The following PTMA variants were observed in gnomAD, a reference collection of about 807,000 sequenced individuals.
PTMA encodes prothymosin alpha.
PTMA carries 4 observed loss-of-function variants against 16.9 expected under a neutral mutation model. The ratio of observed to expected loss-of-function variants is 0.24; its 90% confidence interval spans 0.12 to 0.54. The LOEUF is 0.54. PTMA is among the 20% of genes least tolerant of loss of function. The probability of loss-of-function intolerance (pLI) is 0.95; values close to 1 mark genes in which losing one functional copy is unlikely to be tolerated. For missense variants in PTMA, 120 were observed against 137.7 expected (o/e 0.87, Z 0.64); for synonymous variants, 58 against 47.9 (o/e 1.21, Z -0.87).
chr2:231,710,616 A>T (rs1249794190), intron 1 of PTMA: 4 of 476,440 alleles, frequency 8.4e-6, no homozygotes, highest in Non-Finnish European at 1.7e-5. Flanking sequence ...GTGTGGAAAA[A>T]GTTACCGGGC....
rs1411462844 is a variant in PTMA, at chr2:231,708,832, C to G, written c.45+81C>G. 4.0e-6 allele frequency: 6 copies of G among 1,488,560 alleles called. No homozygotes were observed. In the Admixed American group the frequency reaches 7.8e-5, roughly 19 times the overall value. 92.2% of individuals were successfully genotyped at this position (1,488,560 alleles called of 1,614,324 possible). On this transcript the variant is annotated intron_variant, in intron 1 of 4. Transcript: ENST00000409115. ...GTTTGGCGCGCAGCAGCTGGACTGT[C>G]TCAAGCCCGCTGTTGCTCCCTCTCG... is the stretch of plus-strand genomic sequence containing the variant.
At position 231,712,671 on chromosome 2, in the gene PTMA, G is replaced by A. The variant is rs1348397084; in HGVS notation, c.286-133G>A. On this transcript the variant is annotated intron_variant, in intron 4 of 4. Transcript: ENST00000409115. ...AAGAACAGGAAGGAAACAGGGCTGG[G>A]CTCAACTTCCCAGAGGCCTTGGGCT... 3.0e-6 allele frequency: 4 copies of A among 1,335,458 alleles called. No individual in the cohort carries two copies. In the Admixed American group the frequency reaches 6.4e-5, roughly 21 times the overall value. The allele number at this position is 1,335,458 out of a possible 1,614,324, so 82.7% of individuals were successfully genotyped here. A position where few individuals can be genotyped will look rare whatever the true frequency, so the allele number is the denominator to read the frequency against.
chr2:231,709,437 T>G (rs1345554766), intron 1 of PTMA, among the ~76,000 whole-genome samples: 1 of 152,132 alleles, frequency 6.6e-6, no homozygotes, highest in African/African-American at 2.4e-5. Context: ...GCTTCAGTCA[T>G]GCACCCGCGG....
At chr2:231,712,020 T>G in intron 3 of PTMA, 37 bp downstream of exon 3, 1 of 1,550,846 alleles carries the variant, frequency 6.4e-7, no homozygotes, top group Non-Finnish European at 8.7e-7. Flanking sequence ...TTTCAGGTAC[T>G]TTTTCCTGGC....
chr2:231,709,110 C>G (rs967766513), intron 1 of PTMA, among the ~76,000 whole-genome samples: 2 of 152,236 alleles, frequency 1.3e-5, no homozygotes, highest in African/African-American at 4.8e-5. Context: ...ACGGAAATAA[C>G]TTTGAAACTC....
chr2:231,710,856 C>CGCGGGCCTTCCAGGCTG (rs1559286760), intron 1 of PTMA, among the ~76,000 whole-genome samples: 1 of 152,212 alleles, frequency 6.6e-6, no homozygotes, highest in Non-Finnish European at 1.5e-5. Context: ...GGTGCGGCCT[C>CGCGGGCCTTCCAGGCTG]GCGGGCCTTC....
At chr2:231,711,505 G>A (rs1382737040) in intron 2 of PTMA, 86 bp downstream of exon 2, 38 of 1,232,122 alleles carry the variant, frequency 3.1e-5, no homozygotes, top group Non-Finnish European at 4.3e-5. Context: ...CTATATATGT[G>A]TGTGTATGTG....
At chr2:231,709,231 C>T (rs1019581460) in intron 1 of PTMA, among the ~76,000 whole-genome samples, 6 of 152,206 alleles carry the variant, frequency 3.9e-5, no homozygotes, top group Non-Finnish European at 8.8e-5. Context: ...CGGCGCCAGG[C>T]CGGCGGTTTC....
rs750656175 is a variant in PTMA at position 231,711,908 on chromosome 2, C to G, written c.136C>G (p.Gln46Glu). The part of the protein sequence containing the change: ...NGNANEENGE[Q>E]EADNEVDEEE... ...CGAGGAGAATGAGGAAAATGGGGAGCAGGAGGCTGACAATGAGGTAGACGA... is the reference window on the plus strand; with the variant it reads ...CGAGGAGAATGAGGAAAATGGGGAGGAGGAGGCTGACAATGAGGTAGACGA... The change falls in exon 3 of 5, where the codon CAG (glutamine) becomes GAG (glutamate). Residue 46 changes from glutamine to glutamate, a missense_variant. Coordinates refer to ENST00000409115, the MANE Select transcript of PTMA (RefSeq NM_002823.5). 6.2e-7 allele frequency: 1 copy of G among 1,610,856 alleles called. No individual in the cohort carries two copies. Among genetic ancestry groups the G allele is most frequent in the Non-Finnish European group, 8.5e-7 (1 of 1,178,656 alleles).
At chr2:231,708,794 C>G (rs775168346) in intron 1 of PTMA, 43 bp downstream of exon 1, 21 of 1,590,784 alleles carry the variant, frequency 1.3e-5, no homozygotes, top group Non-Finnish European at 1.8e-5. Flanking sequence ...CCGCGCGCCG[C>G]CGCTCGGGCG....
chr2:231,708,803 C>A, intron 1 of PTMA, 52 bp downstream of exon 1: 1 of 1,576,620 alleles, frequency 6.3e-7, no homozygotes, highest in Non-Finnish European at 8.6e-7. Context: ...GCCGCTCGGG[C>A]GGTGTTTGGC....
chr2:231,711,507 G>C, intron 2 of PTMA, 88 bp downstream of exon 2: 34 of 1,218,276 alleles, frequency 2.8e-5, no homozygotes, highest in Non-Finnish European at 4.0e-5. Flanking sequence ...ATATATGTGT[G>C]TGTATGTGTA....
rs763506886 is a variant in PTMA, at chr2:231,713,338, CTTTT to C, written c.*490_*493del. On this transcript the variant is annotated 3_prime_UTR_variant, in exon 5 of 5. Transcript: ENST00000409115. ...AATCTTATTCCGAGCATTCCAGTAA[CTTTT>C]TTGTGTATGTACTTAGCTGTACTAT... The C allele has an allele frequency of 2.0e-6, 1 of 508,888 alleles. No individual in the cohort carries two copies. The highest frequency in any genetic ancestry group is 4.0e-6 in the Non-Finnish European group (1 of 252,198). The allele number at this position is 508,888 out of a possible 1,614,324, so 31.5% of individuals were successfully genotyped here. A position where few individuals can be genotyped will look rare whatever the true frequency, so the allele number is the denominator to read the frequency against.
In PTMA at chr2:231,708,544, A is replaced by G; in HGVS notation, c.-163A>G. On this transcript the variant is annotated 5_prime_UTR_variant, in exon 1 of 5. Transcript: ENST00000409115. ...GTGAGTCCCCCACTGGCTGCTCTGAAAAGCCATCTTTGCATTGTTCCTCAT... is the reference window on the plus strand; with the variant it reads ...GTGAGTCCCCCACTGGCTGCTCTGAGAAGCCATCTTTGCATTGTTCCTCAT... 1.2e-6 allele frequency: 1 copy of G among 805,592 alleles called. No individual in the cohort carries two copies. Among genetic ancestry groups the G allele is most frequent in the Non-Finnish European group, 2.0e-6 (1 of 488,130 alleles). 49.9% of individuals were successfully genotyped at this position (805,592 alleles called of 1,614,324 possible). A position where few individuals can be genotyped will look rare whatever the true frequency, so the allele number is the denominator to read the frequency against.
intron 1 of PTMA, among the ~76,000 whole-genome samples, chr2:231,709,505 G>A (rs904891776): frequency 3.3e-5 from 5 of 152,190 alleles, no homozygotes; most frequent in Non-Finnish European, 5.9e-5. Flanking sequence ...AAGAGAAAGT[G>A]AAGCGCGGCG....
intron 1 of PTMA, among the ~76,000 whole-genome samples, chr2:231,710,977 C>T (rs1045093167): frequency 2.6e-5 from 4 of 152,238 alleles, no homozygotes; most frequent in Non-Finnish European, 5.9e-5. Flanking sequence ...GGGGCGGGCT[C>T]TTTGCACTTG....
intron 3 of PTMA, among the ~76,000 whole-genome samples, 178 bp downstream of exon 3, chr2:231,712,161 G>T (rs2048526022): frequency 6.6e-6 from 1 of 152,156 alleles, no homozygotes; most frequent in Admixed American, 6.5e-5. Flanking sequence ...ACATGGAGTT[G>T]TGCCCATGCC....
At chr2:231,711,590 A>G (rs1243034613) in intron 2 of PTMA, 171 bp downstream of exon 2, 3 of 740,544 alleles carry the variant, frequency 4.1e-6, no homozygotes, top group South Asian at 1.9e-5. Flanking sequence ...TGCTAGTTAA[A>G]TATTTATAAA....
At position 231,713,003 on chromosome 2, in the gene PTMA, C is replaced by T. The variant is rs925064686; in HGVS notation, c.*152C>T. The T allele has an allele frequency of 3.2e-5, 23 of 722,388 alleles. No homozygotes were observed. The South Asian group carries it at 4.3e-4, about 13-fold the overall frequency. The allele number at this position is 722,388 out of a possible 1,614,324, so 44.7% of individuals were successfully genotyped here. A position where few individuals can be genotyped will look rare whatever the true frequency, so the allele number is the denominator to read the frequency against. On this transcript the variant is annotated 3_prime_UTR_variant, in exon 5 of 5. Coordinates refer to ENST00000409115, the MANE Select transcript of PTMA (RefSeq NM_002823.5). ...CAGTGCCACCCGCAGATGACACGCG[C>T]TCTCCACCACCCAACCCAAACCATG...
Sources: allele counts gnomAD v4.1 joint callset (sites outside exome capture counted in the v4.1 genomes callset), GRCh38; gene constraint gnomAD v4.1.1; transcripts MANE v1.5; gene names NCBI Gene and HGNC (gene_info 2026-07-23, HGNC 2026-07-21).